Variants in COG3 observed in about 807,000 individuals in gnomAD.
COG3 encodes the protein component of oligomeric golgi complex 3, also known as conserved oligomeric Golgi complex subunit 3.
A neutral mutation model predicts 114.1 loss-of-function variants in COG3; 32 were observed. That is an observed-to-expected ratio of 0.28 (90% CI 0.21 to 0.38). COG3 has a LOEUF of 0.38. COG3 is among the 10% of genes least tolerant of loss of function. The probability of loss-of-function intolerance (pLI) is 1.00; values close to 1 mark genes in which losing one functional copy is unlikely to be tolerated. For synonymous variants in COG3, 352 were observed against 365.7 expected (o/e 0.96, Z 0.43); for missense variants, 813 against 973.2 (o/e 0.84, Z 2.19).
Position 45,475,405 on chromosome 13 carries a change from T to C in COG3, c.175-796T>C, listed in dbSNP as rs1242097932. On this transcript the variant is annotated intron_variant, in intron 1 of 22. Transcript: ENST00000349995. ...TTCAGTAGAGACGGGGGTGTCACTA[T>C]GTTGCCCAGGCTGGTCTCAAATTCC... 4.0e-5 allele frequency among the ~76,000 whole-genome samples: 6 copies of C among 151,854 alleles called. No homozygotes were observed. The South Asian group carries it at 1.0e-3, about 26-fold the overall frequency.
Position 45,536,578 on chromosome 13 carries a change from GTTT to G in COG3, c.*1850_*1852del. On this transcript the variant is annotated 3_prime_UTR_variant, in exon 23 of 23. Transcript: ENST00000349995. ...TTATATTATTTGGCTAGAAATTGCT[GTTT>G]TTAATAAATGTGAATTTTTTAAAAA... The G allele has an allele frequency of 1.3e-5, 2 of 152,280 alleles. No homozygotes were observed. Among genetic ancestry groups the G allele is most frequent in the Middle Eastern group, 6.8e-3 (2 of 294 alleles). 9.4% of individuals were successfully genotyped at this position (152,280 alleles called of 1,614,324 possible). A position where few individuals can be genotyped will look rare whatever the true frequency, so the allele number is the denominator to read the frequency against.
Position 45,536,585 on chromosome 13 carries a change from A to G in COG3, c.*1854A>G, listed in dbSNP as rs1267921640. 1 of 152,208 alleles carries G rather than the reference A, an allele frequency of 6.6e-6. No homozygotes were observed. The highest frequency in any genetic ancestry group is 1.9e-4 in the East Asian group (1 of 5,206). 9.4% of individuals were successfully genotyped at this position (152,208 alleles called of 1,614,324 possible). A position where few individuals can be genotyped will look rare whatever the true frequency, so the allele number is the denominator to read the frequency against. On this transcript the variant is annotated 3_prime_UTR_variant, in exon 23 of 23. Transcript: ENST00000349995. ...ATTTGGCTAGAAATTGCTGTTTTTAATAAATGTGAATTTTTTAAAAATAAA... is the reference window on the plus strand; with the variant it reads ...ATTTGGCTAGAAATTGCTGTTTTTAGTAAATGTGAATTTTTTAAAAATAAA...
chr13:45,501,508 G>T (rs1869531029), intron 13 of COG3, among the ~76,000 whole-genome samples: 1 of 152,196 alleles, frequency 6.6e-6, no homozygotes, highest in Non-Finnish European at 1.5e-5. Flanking sequence ...CATTTATGTA[G>T]ATTTTTTATT....
chr13:45,530,521 G>T (rs1873079219), intron 21 of COG3, among the ~76,000 whole-genome samples, 161 bp from the exon 22 acceptor site: 1 of 152,192 alleles, frequency 6.6e-6, no homozygotes, highest in Non-Finnish European at 1.5e-5. Context: ...ATCAGGTCAT[G>T]CCAGCACTGA....
At chr13:45,509,538 G>A (rs1186979875) in intron 14 of COG3, among the ~76,000 whole-genome samples, 154 bp from the exon 15 acceptor site, 1 of 152,128 alleles carries the variant, frequency 6.6e-6, no homozygotes, top group Non-Finnish European at 1.5e-5. Flanking sequence ...AGATTTCTTA[G>A]GGTATTCTTG....
intron 13 of COG3, among the ~76,000 whole-genome samples, chr13:45,501,526 CT>C (rs1869533391): frequency 1.3e-5 from 2 of 152,142 alleles, no homozygotes; most frequent in South Asian, 2.1e-4. Flanking sequence ...ATTTTGAGAA[CT>C]TTCTTATTTC....
At chr13:45,503,044 A>G (rs1330308611) in intron 13 of COG3, among the ~76,000 whole-genome samples, 200 bp from the exon 14 acceptor site, 1 of 152,224 alleles carries the variant, frequency 6.6e-6, no homozygotes, top group Non-Finnish European at 1.5e-5. Context: ...ATTATCACAT[A>G]AAGCAAAAAC....
intron 16 of COG3, among the ~76,000 whole-genome samples, chr13:45,512,696 C>G (rs1278632357): frequency 1.3e-5 from 2 of 151,648 alleles, no homozygotes; most frequent in Non-Finnish European, 1.5e-5. Context: ...GGTATGATCT[C>G]TGTTCACTGC....
chr13:45,519,230 C>G (rs1272806329), intron 19 of COG3, 136 bp downstream of exon 19: 8 of 956,368 alleles, frequency 8.4e-6, no homozygotes, highest in Non-Finnish European at 1.2e-5. Flanking sequence ...TAGGAAATCA[C>G]TGTGTTTCCT....
intron 7 of COG3, 90 bp downstream of exon 7, chr13:45,483,445 T>C: frequency 9.4e-7 from 1 of 1,062,050 alleles, no homozygotes; most frequent in Non-Finnish European, 1.3e-6. Context: ...GATTAGTACT[T>C]TGTAATTCCA....
chr13:45,469,009 A>G (rs1452899581), intron 1 of COG3, among the ~76,000 whole-genome samples: 1 of 152,236 alleles, frequency 6.6e-6, no homozygotes, highest in East Asian at 1.9e-4. Context: ...TGTTATTAAA[A>G]AGCAACTTGT....
rs1873502868 is a variant in COG3, at chr13:45,535,656, TG to T, written c.*927del. On this transcript the variant is annotated 3_prime_UTR_variant, in exon 23 of 23. Transcript: ENST00000349995. ...TTCATGTCCTGTCTATTCATTCAGC[TG>T]GCTGTGCTGTGCTGTGGACCAGCTG... 10 of 985,584 alleles carry T rather than the reference TG, an allele frequency of 1.0e-5. No individual in the cohort carries two copies. Among genetic ancestry groups the T allele is most frequent in the Non-Finnish European group, 1.2e-5 (10 of 830,108 alleles). 61.1% of individuals were successfully genotyped at this position (985,584 alleles called of 1,614,324 possible). A position where few individuals can be genotyped will look rare whatever the true frequency, so the allele number is the denominator to read the frequency against.
chr13:45,497,027 A>C (rs1378801829), intron 13 of COG3, among the ~76,000 whole-genome samples: 2 of 152,214 alleles, frequency 1.3e-5, no homozygotes, highest in Admixed American at 1.3e-4. Flanking sequence ...ATTGGCAGGA[A>C]ATACACGTTC....
At chr13:45,467,125 G>A (rs1885188761) in intron 1 of COG3, among the ~76,000 whole-genome samples, 1 of 152,226 alleles carries the variant, frequency 6.6e-6, no homozygotes, top group Admixed American at 6.5e-5. Flanking sequence ...ACAGCCTGAG[G>A]TGAGAACTGA....
At chr13:45,528,812 A>C (rs73185744) in intron 20 of COG3, among the ~76,000 whole-genome samples, 6 of 152,332 alleles carry the variant, frequency 3.9e-5, no homozygotes, top group Non-Finnish European at 5.9e-5. Context: ...ATGGAAACCT[A>C]AATTATTTGC....
At chr13:45,471,683 T>A (rs3014944) in intron 1 of COG3, among the ~76,000 whole-genome samples, 55,512 of 151,754 alleles carry the variant, frequency 0.37, 10,932 homozygotes, top group Middle Eastern at 0.54. Flanking sequence ...CCTTTAACAT[T>A]TCTTGTAGTA....
chr13:45,514,245 C>G (rs1241038817), intron 16 of COG3, among the ~76,000 whole-genome samples: 1 of 149,878 alleles, frequency 6.7e-6, no homozygotes, highest in Non-Finnish European at 1.5e-5. Context: ...ACTGCAACCT[C>G]CACCTCCTGG....
chr13:45,499,922 G>T (rs984704128), intron 13 of COG3, among the ~76,000 whole-genome samples: 3 of 152,012 alleles, frequency 2.0e-5, no homozygotes, highest in Admixed American at 6.6e-5. Flanking sequence ...GGAGGCAGAG[G>T]TGGGAGGATC....
At chr13:45,496,906 C>T (rs1349233297) in intron 13 of COG3, among the ~76,000 whole-genome samples, 2 of 152,110 alleles carry the variant, frequency 1.3e-5, no homozygotes, top group African/African-American at 2.4e-5. Context: ...ATCCCCTGAC[C>T]TCGTGATCCG....
Sources: allele counts gnomAD v4.1 joint callset (sites outside exome capture counted in the v4.1 genomes callset), GRCh38; gene constraint gnomAD v4.1.1; transcripts MANE v1.5; gene names NCBI Gene and HGNC (gene_info 2026-07-23, HGNC 2026-07-21).